CLCA1: variants seen among roughly 807,000 people sequenced by gnomAD.
CLCA1 encodes the protein chloride channel accessory 1.
A neutral mutation model predicts 85.6 loss-of-function variants in CLCA1; 59 were observed. That is an observed-to-expected ratio of 0.69 (90% CI 0.56 to 0.86). The LOEUF (loss-of-function observed/expected upper bound fraction) is 0.86, where lower values mean the gene tolerates loss of function less well. Ranked by LOEUF, CLCA1 falls within the 40% of genes least tolerant of loss-of-function variation. CLCA1 has a pLI of 0.00. For missense variants in CLCA1, 1,022 were observed against 1,101.4 expected, an observed-to-expected ratio of 0.93 and a Z score of 1.02; for synonymous variants, 396 against 398.3, an observed-to-expected ratio of 0.99 and a Z score of 0.07.
intron 7 of CLCA1, 22 bp downstream of exon 7, chr1:86,486,775 T>C (rs751463231): frequency 1.2e-6 from 2 of 1,604,318 alleles, no homozygotes; most frequent in Non-Finnish European, 8.5e-7. Context: ...TTTTCTATTG[T>C]AGTTTGGAAT....
Position 86,482,241 on chromosome 1 carries a change from G to A in CLCA1, c.594G>A (p.Lys198=). ...SAGITGTNVV[K]KCQGGSCYTK... The stretch of plus-strand genomic sequence containing the variant: ...GTATTACTGGTACAAATGTAGTAAA[G>A]AAGTGTCAGGGAGGCAGCTGTTACA... Residue 198 remains lysine, a synonymous_variant, in exon 5 of 14, where the codon AAG becomes AAA. Coordinates refer to ENST00000394711, the MANE Select transcript of CLCA1 (RefSeq NM_001285.4). 6.2e-7 allele frequency: 1 copy of A among 1,613,924 alleles called. No homozygotes were observed. Among genetic ancestry groups the A allele is most frequent in the Non-Finnish European group, 8.5e-7 (1 of 1,179,838 alleles).
chr1:86,482,639 C>T (rs1372327646), intron 5 of CLCA1, among the ~76,000 whole-genome samples: 3 of 152,170 alleles, frequency 2.0e-5, no homozygotes, highest in African/African-American at 7.2e-5. Flanking sequence ...ACTTTAAATA[C>T]TCACAAAGGC....
chr1:86,498,682 G>A lies in CLCA1; in HGVS notation c.2224G>A (p.Val742Ile). The change falls in exon 13 of 14, where the codon GTC (valine) becomes ATC (isoleucine). Residue 742 changes from valine (V) to isoleucine (I), a missense_variant. Coordinates refer to ENST00000394711, the MANE Select transcript of CLCA1 (RefSeq NM_001285.4). Reference sequence around the variant, plus strand: ...GGGAGGCTCATTTGTGGCTTCTGATGTCCCAAATGCTCCCATACCTGATCT... The same window carrying A: ...GGGAGGCTCATTTGTGGCTTCTGATATCCCAAATGCTCCCATACCTGATCT... The part of the protein sequence containing the change: ...SSGGSFVASD[V>I]PNAPIPDLFP... The A allele has an allele frequency of 6.2e-7, 1 of 1,614,020 alleles. No individual in the cohort carries two copies. Among genetic ancestry groups the A allele is most frequent in the South Asian group, 1.1e-5 (1 of 91,068 alleles).
chr1:86,490,915 A>ATAC (rs748817684), intron 8 of CLCA1, among the ~76,000 whole-genome samples: 1 of 148,024 alleles, frequency 6.8e-6, no homozygotes, highest in South Asian at 2.1e-4. Context: ...AAAAAAAAAA[A>ATAC]AAAAAAATAC....
intron 1 of CLCA1, among the ~76,000 whole-genome samples, chr1:86,472,340 C>T (rs1389137673): frequency 1.3e-5 from 2 of 152,162 alleles, no homozygotes; most frequent in African/African-American, 4.8e-5. Context: ...TGATCACGCC[C>T]TCCTCCCTAT....
chr1:86,470,301 C>T (rs1190100830), intron 1 of CLCA1, among the ~76,000 whole-genome samples: 1 of 152,200 alleles, frequency 6.6e-6, no homozygotes, highest in African/African-American at 2.4e-5. Context: ...CTACTTAACC[C>T]AAAGAGGATC....
intron 5 of CLCA1, among the ~76,000 whole-genome samples, chr1:86,483,696 G>T (rs186024651): frequency 3.9e-5 from 6 of 152,058 alleles, no homozygotes; most frequent in Non-Finnish European, 7.3e-5. Context: ...AATAATTCAG[G>T]TGCAGAGAGG....
In CLCA1 at chr1:86,493,470, G is replaced by C; in HGVS notation, c.1551G>C (p.Leu517Phe). The C allele has an allele frequency of 6.2e-7, 1 of 1,614,034 alleles. No homozygotes were observed. Among genetic ancestry groups the C allele is most frequent in the Non-Finnish European group, 8.5e-7 (1 of 1,179,930 alleles). Reference sequence around the variant, plus strand: ...ACAGCACCGTGGGAAAGGACACTTTGTTTCTTATCACCTGGACAATGCAGC... The same window carrying C: ...ACAGCACCGTGGGAAAGGACACTTTCTTTCTTATCACCTGGACAATGCAGC... ...IVDSTVGKDT[L>F]FLITWTMQPP... The change falls in exon 10 of 14, where the codon TTG (leucine) becomes TTC (phenylalanine). Residue 517 changes from leucine to phenylalanine, a missense_variant. Transcript: ENST00000394711.
intron 4 of CLCA1, among the ~76,000 whole-genome samples, chr1:86,481,929 G>A (rs1558137770): frequency 1.3e-5 from 2 of 152,226 alleles, no homozygotes; most frequent in African/African-American, 2.4e-5. Context: ...TGAGGACTTA[G>A]TCTGTATTAA....
chr1:86,498,470 A>G, intron 12 of CLCA1, 102 bp from the exon 13 acceptor site: 1 of 1,142,766 alleles, frequency 8.8e-7, no homozygotes, highest in Non-Finnish European at 1.3e-6. Flanking sequence ...GGAAAGAAGC[A>G]GAAGTGGGGA....
intron 4 of CLCA1, among the ~76,000 whole-genome samples, chr1:86,477,166 G>A (rs1047205638): frequency 1.3e-5 from 2 of 152,130 alleles, no homozygotes; most frequent in Non-Finnish European, 2.9e-5. Flanking sequence ...ATGTTGCCCA[G>A]GCTAGTGTTG....
At position 86,499,817 on chromosome 1, in the gene CLCA1, T is replaced by A. The variant is rs754886067; in HGVS notation, c.2517T>A (p.Asp839Glu). 4.3e-6 allele frequency: 7 copies of A among 1,613,512 alleles called. No individual in the cohort carries two copies. ...ACATTACTTTTGAAAATGGCACAGA[T>A]CTTTTCATTGCTATTCAGGCTGTTG... is the stretch of plus-strand genomic sequence containing the variant. ...PENITFENGT[D>E]LFIAIQAVDK... Residue 839 changes from aspartate to glutamate, a missense_variant, in exon 14 of 14, where the codon GAT (aspartate) becomes GAA (glutamate). By Grantham distance (45) the Asp-to-Glu change is conservative. Coordinates refer to ENST00000394711, the MANE Select transcript of CLCA1 (RefSeq NM_001285.4).
At chr1:86,489,245 G>T (rs1422426267) in intron 8 of CLCA1, 75 bp downstream of exon 8, 14 of 1,368,068 alleles carry the variant, frequency 1.0e-5, no homozygotes, top group Non-Finnish European at 1.4e-5. Context: ...CTGGGGAGTG[G>T]GGGAAAGATG....
intron 5 of CLCA1, among the ~76,000 whole-genome samples, chr1:86,484,496 T>G (rs1222864086): frequency 6.6e-6 from 1 of 151,884 alleles, no homozygotes; most frequent in Admixed American, 6.6e-5. Flanking sequence ...AGTCATAGAG[T>G]TTGCCATTGG....
rs140095999 is a variant in CLCA1, at chr1:86,493,586, C to T, written c.1667C>T (p.Pro556Leu). The change falls in exon 10 of 14, where the codon CCA becomes CTA. Residue 556 changes from proline (P) to leucine (L), a missense_variant. By Grantham distance (98) the Pro-to-Leu change is moderately conservative. Transcript: ENST00000394711. ...KNTKMAYLQI[P>L]GIAKVGTWKY... is the part of the protein sequence containing the mutation. ...ACCAAAATGGCCTACCTCCAAATCC[C>T]AGGCATTGCTAAGGTATGGAGTCAG... The T allele has an allele frequency of 2.5e-6, 4 of 1,613,326 alleles. No individual in the cohort carries two copies. The highest frequency in any genetic ancestry group is 3.4e-6 in the Non-Finnish European group (4 of 1,179,390).
intron 8 of CLCA1, among the ~76,000 whole-genome samples, chr1:86,490,414 C>A (rs1227038507): frequency 6.6e-6 from 1 of 152,132 alleles, no homozygotes; most frequent in Non-Finnish European, 1.5e-5. Context: ...TTCTAAATAG[C>A]CCAGGACTGC....
intron 6 of CLCA1, among the ~76,000 whole-genome samples, chr1:86,486,319 T>C (rs1647969564): frequency 6.6e-6 from 1 of 152,218 alleles, no homozygotes; most frequent in Admixed American, 6.5e-5. Context: ...GTTTTTATCT[T>C]TTACTATTTA....
chr1:86,485,723 G>C (rs1262755552), intron 6 of CLCA1, among the ~76,000 whole-genome samples, 162 bp downstream of exon 6: 2 of 152,054 alleles, frequency 1.3e-5, no homozygotes, highest in Non-Finnish European at 2.9e-5. Flanking sequence ...TTCAACAAAG[G>C]TTCAGCATCA....
At chr1:86,498,934 G>T in intron 13 of CLCA1, 123 bp downstream of exon 13, 2 of 1,096,092 alleles carry the variant, frequency 1.8e-6, no homozygotes, top group South Asian at 1.7e-5. Flanking sequence ...GGATCTTGCC[G>T]GTCCTTTGAA....
Sources: allele counts gnomAD v4.1 joint callset (sites outside exome capture counted in the v4.1 genomes callset), GRCh38; gene constraint gnomAD v4.1.1; transcripts MANE v1.5; gene names NCBI Gene and HGNC (gene_info 2026-07-23, HGNC 2026-07-21).